ABCB4: variants seen among roughly 807,000 people sequenced by gnomAD.
ABCB4 encodes ATP binding cassette subfamily B member 4.
Under a neutral mutation model 145.7 loss-of-function variants are expected in ABCB4, and 76 were observed. The ratio of observed to expected loss-of-function variants is 0.52; its 90% CI spans 0.43 to 0.63. The LOEUF is 0.63. ABCB4 is among the 30% of genes least tolerant of loss of function. The pLI, the probability that ABCB4 is intolerant of heterozygous loss-of-function variation, is 0.00. For missense variants in ABCB4, 1,234 were observed against 1,553.1 expected, an observed-to-expected ratio of 0.79 and a Z score of 3.45; for synonymous variants, 517 against 566.8, an observed-to-expected ratio of 0.91 and a Z score of 1.25.
intron 21 of ABCB4, among the ~76,000 whole-genome samples, chr7:87,416,348 T>C (rs1808973849): frequency 1.3e-5 from 2 of 152,238 alleles, no homozygotes; most frequent in Admixed American, 6.5e-5. Context: ...TTCTTCCCTA[T>C]AGAGATACTG....
Position 87,443,673 on chromosome 7 carries a change from G to A in ABCB4, c.1220C>T (p.Ala407Val). The change falls in exon 11 of 28, where the codon GCT becomes GTT. Residue 407 changes from alanine to valine, a missense_variant. By Grantham distance (64) the Ala-to-Val change is moderately conservative. Around this residue, in one of 7 missense-constraint regions of ABCB4, gnomAD observed 467 missense variants for 632.8 expected, o/e 0.74. Transcript: ENST00000649586. ...TATTACTTACAGTACCTTGACGTTAGCTCGAGAAGGGTAAGAAAAGTGAAC... is the reference window on the plus strand; with the variant it reads ...TATTACTTACAGTACCTTGACGTTAACTCGAGAAGGGTAAGAAAAGTGAAC... ...NDVHFSYPSRANVKILKGLNL... is the reference protein window; with the variant it reads ...NDVHFSYPSRVNVKILKGLNL... The A allele has an allele frequency of 1.2e-6, 2 of 1,612,944 alleles. No homozygotes were observed. The highest frequency in any genetic ancestry group is 3.3e-5 in the Admixed American group (2 of 60,016).
In ABCB4 at chr7:87,443,701, C is replaced by T; in HGVS notation, c.1192G>A (p.Asp398Asn). ...CGAGAAGGGTAAGAAAAGTGAACAT[C>T]ATTGAACTCCAAATTCCCTTTGATG... ...DSIKGNLEFN[D>N]VHFSYPSRAN... is the part of the protein sequence containing the mutation. Residue 398 changes from aspartate to asparagine, a missense_variant, in exon 11 of 28, where the codon GAT becomes AAT. Asp to Asn is a conservative substitution (Grantham distance 23, BLOSUM62 1). Around this residue, in one of 7 missense-constraint regions of ABCB4, gnomAD observed 467 missense variants for 632.8 expected, o/e 0.74. Coordinates refer to ENST00000649586, the MANE Select transcript of ABCB4 (RefSeq NM_000443.4). 1.2e-6 allele frequency: 2 copies of T among 1,613,968 alleles called. No individual in the cohort carries two copies. Among genetic ancestry groups the T allele is most frequent in the Non-Finnish European group, 1.7e-6 (2 of 1,179,922 alleles).
the ABCB4 span, chr7:87,369,828 T>C: frequency 4.4e-4 from 66 of 148,866 alleles, 2 homozygotes; most frequent in East Asian, 0.013. Flanking sequence ...ATATATATAA[T>C]ATATAATATG....
the ABCB4 span, among the ~76,000 whole-genome samples, chr7:87,368,646 T>G: frequency 3.9e-5 from 6 of 152,236 alleles, no homozygotes; most frequent in African/African-American, 1.4e-4. Context: ...TATATTTCCT[T>G]CAAGCGGCAG....
chr7:87,383,678 G>A, the ABCB4 span, among the ~76,000 whole-genome samples: 1 of 151,942 alleles, frequency 6.6e-6, no homozygotes, highest in Non-Finnish European at 1.5e-5. Flanking sequence ...TATAGTTTTA[G>A]TAGAGATGGG....
At position 87,450,091 on chromosome 7, in the gene ABCB4, A is replaced by G. The variant is rs774488624; in HGVS notation, c.710T>C (p.Ile237Thr). 6 of 1,613,932 alleles carry G rather than the reference A, an allele frequency of 3.7e-6. No individual in the cohort carries two copies. Among genetic ancestry groups the G allele is most frequent in the Non-Finnish European group, 2.5e-6 (3 of 1,179,976 alleles). Residue 237 changes from isoleucine (I) to threonine (T), a missense_variant and splice_region_variant, in exon 8 of 28, where the codon ATA becomes ACA. Ile to Thr is a moderately conservative substitution (Grantham distance 89). Around this residue, in one of 7 missense-constraint regions of ABCB4, gnomAD observed 467 missense variants for 632.8 expected, o/e 0.74. Coordinates refer to ENST00000649586, the MANE Select transcript of ABCB4 (RefSeq NM_000443.4). Reference protein sequence around the residue: ...LGLSAAVWAKILSAFSDKELA... With the variant: ...LGLSAAVWAKTLSAFSDKELA... ...TTCTTTGTCACTAAATGCCGAGAGT[A>G]TCTGGACAGAAAAGAAACAGTGATC...
downstream of ABCB4, among the ~76,000 whole-genome samples, chr7:87,396,738 A>T (rs1323259855): frequency 2.6e-5 from 4 of 152,086 alleles, no homozygotes; most frequent in African/African-American, 9.7e-5. Context: ...GAACAAAGTT[A>T]TCTACATTTC....
At chr7:87,404,242 C>G (rs1808017797) in intron 26 of ABCB4, among the ~76,000 whole-genome samples, 1 of 152,128 alleles carries the variant, frequency 6.6e-6, no homozygotes, top group South Asian at 2.1e-4. Context: ...TAATTAAGCT[C>G]TACGTCAGTG....
In ABCB4 at chr7:87,426,887, C is replaced by G; in HGVS notation, c.1927G>C (p.Glu643Gln). 1 of 1,613,256 alleles carries G rather than the reference C, an allele frequency of 6.2e-7. No homozygotes were observed. The highest frequency in any genetic ancestry group is 1.1e-5 in the South Asian group (1 of 91,054). The change falls in exon 16 of 28, where the codon GAA (glutamate) becomes CAA (glutamine). Residue 643 changes from glutamate (E) to glutamine (Q), a missense_variant. This residue lies in a region of ABCB4 where 321 missense variants were observed against 332.6 expected (regional missense o/e 0.97). Transcript: ENST00000649586. The part of the protein sequence containing the change: ...SGSQIQSEEF[E>Q]LNDEKAATRM... Reference sequence around the variant, plus strand: ...GTGGCAGCCTTTTCATCATTTAGTTCAAATTCTTCTGACTGGATCTGGCTT... The same window carrying G: ...GTGGCAGCCTTTTCATCATTTAGTTGAAATTCTTCTGACTGGATCTGGCTT...
intron 3 of ABCB4, among the ~76,000 whole-genome samples, chr7:87,465,284 C>T (rs1391960429): frequency 6.6e-6 from 1 of 152,228 alleles, no homozygotes; most frequent in African/African-American, 2.4e-5. Flanking sequence ...ATTGCTAGCA[C>T]AGCAGTCTGA....
At chr7:87,445,943 A>C (rs45549536) in intron 9 of ABCB4, among the ~76,000 whole-genome samples, 7,435 of 152,292 alleles carry the variant, frequency 0.049, 252 homozygotes, top group Non-Finnish European at 0.066. Context: ...GAGGAAATTA[A>C]GGCCATAGAG....
chr7:87,413,515 A>T, intron 22 of ABCB4, 102 bp downstream of exon 22: 1 of 815,106 alleles, frequency 1.2e-6, no homozygotes, highest in Non-Finnish European at 2.1e-6. Flanking sequence ...CCTTATAGTC[A>T]TATCATTGTT....
At chr7:87,369,345 T>G in the ABCB4 span, 14 of 1,477,120 alleles carry the variant, frequency 9.5e-6, no homozygotes, top group Non-Finnish European at 1.2e-5. Flanking sequence ...ACCTTAGATT[T>G]GAGTCTTGTG....
chr7:87,371,744 A>C, the ABCB4 span, among the ~76,000 whole-genome samples: 3 of 152,114 alleles, frequency 2.0e-5, no homozygotes, highest in Non-Finnish European at 4.4e-5. Context: ...TAATTGCAAC[A>C]TTTTGGGAGG....
intron 12 of ABCB4, among the ~76,000 whole-genome samples, chr7:87,441,542 A>T (rs996367968): frequency 6.6e-6 from 1 of 151,574 alleles, no homozygotes; most frequent in Admixed American, 6.6e-5. Context: ...CTTTTTCCAT[A>T]TATAATAAAT....
chr7:87,464,141 T>C (rs1812691960), intron 3 of ABCB4, among the ~76,000 whole-genome samples: 1 of 152,098 alleles, frequency 6.6e-6, no homozygotes, highest in African/African-American at 2.4e-5. Flanking sequence ...AGTGGAGCCT[T>C]TGAGGGCTGA....
chr7:87,388,361 C>T, the ABCB4 span, among the ~76,000 whole-genome samples: 2 of 152,106 alleles, frequency 1.3e-5, no homozygotes, highest in Non-Finnish European at 2.9e-5. Context: ...TATCATGCTA[C>T]CTGACTTCAA....
At chr7:87,443,196 G>T in intron 12 of ABCB4, 123 bp downstream of exon 12, 1 of 1,272,642 alleles carries the variant, frequency 7.9e-7, no homozygotes, top group Non-Finnish European at 1.1e-6. Context: ...CATCGGCATT[G>T]CCATTTTGTA....
chr7:87,402,251 T>G lies in ABCB4; in HGVS notation c.3685A>C (p.Ile1229Leu). 2 of 1,614,066 alleles carry G rather than the reference T, an allele frequency of 1.2e-6. No homozygotes were observed. Among genetic ancestry groups the G allele is most frequent in the Non-Finnish European group, 1.7e-6 (2 of 1,179,970 alleles). Reference sequence around the variant, plus strand: ...TGGATGGTGGACAGGCGGTGAGCAATCACAATGCAGGTGCGGCCTTCTCTG... The same window carrying G: ...TGGATGGTGGACAGGCGGTGAGCAAGCACAATGCAGGTGCGGCCTTCTCTG... ...KAREGRTCIV[I>L]AHRLSTIQNA... Residue 1229 changes from isoleucine (I) to leucine (L), a missense_variant, in exon 28 of 28, where the codon ATT (isoleucine) becomes CTT (leucine). By Grantham distance (5) the Ile-to-Leu change is conservative (BLOSUM62 2). Transcript: ENST00000649586.
Sources: allele counts gnomAD v4.1 joint callset (sites outside exome capture counted in the v4.1 genomes callset), GRCh38; gene constraint gnomAD v4.1.1; regional missense constraint gnomAD v4.1.1; transcripts MANE v1.5; gene names NCBI Gene and HGNC (gene_info 2026-07-23, HGNC 2026-07-21).